The following RC3H1 variants were observed in gnomAD, a reference collection of about 807,000 sequenced individuals.
The protein encoded by RC3H1 is roquin-1.
RC3H1 carries 50 observed loss-of-function variants against 138.2 expected under a neutral mutation model. The observed-to-expected ratio is 0.36, with a 90% CI of 0.29 to 0.46. The LOEUF (loss-of-function observed/expected upper bound fraction) is 0.46. Among genes scored for constraint, RC3H1 ranks in the 20% least tolerant of loss-of-function variants. The probability of loss-of-function intolerance (pLI) is 1.00; values close to 1 mark genes in which losing one functional copy is unlikely to be tolerated. For missense variants in RC3H1, 1,031 were observed against 1,388.1 expected (o/e 0.74, Z 4.09); for synonymous variants, 462 against 489.1 (o/e 0.94, Z 0.73).
intron 19 of RC3H1, among the ~76,000 whole-genome samples, chr1:173,940,385 C>T (rs12064818): frequency 0.049 from 7,415 of 152,098 alleles, 603 homozygotes; most frequent in African/African-American, 0.16. Context: ...GCAGGAGAAT[C>T]GCTTGAACCC....
At chr1:173,988,402 C>CTTGA (rs1661121465) in intron 2 of RC3H1, among the ~76,000 whole-genome samples, 1 of 152,146 alleles carries the variant, frequency 6.6e-6, no homozygotes, top group South Asian at 2.1e-4. Flanking sequence ...CTTTTTGTGA[C>CTTGA]TTGACAGCTA....
At chr1:173,944,880 C>T (rs1325099589) in intron 17 of RC3H1, among the ~76,000 whole-genome samples, 2 of 152,142 alleles carry the variant, frequency 1.3e-5, no homozygotes, top group African/African-American at 4.8e-5. Context: ...AGAAAGTCTA[C>T]TAAGAAAGTC....
intron 19 of RC3H1, among the ~76,000 whole-genome samples, 154 bp downstream of exon 19, chr1:173,941,111 G>A (rs1257418592): frequency 2.6e-5 from 4 of 151,992 alleles, no homozygotes; most frequent in African/African-American, 4.8e-5. Flanking sequence ...GAGCCACTGC[G>A]CCCGGCCGCA....
intron 17 of RC3H1, 70 bp from the exon 18 acceptor site, chr1:173,943,685 A>G (rs1023009557): frequency 1.2e-5 from 17 of 1,448,476 alleles, no homozygotes; most frequent in African/African-American, 1.4e-5. Flanking sequence ...ACCAGGCTCA[A>G]TTCCAGACCA....
At chr1:173,952,252 G>A in intron 13 of RC3H1, 114 bp from the exon 14 acceptor site, 2 of 625,516 alleles carry the variant, frequency 3.2e-6, no homozygotes, top group Non-Finnish European at 2.4e-6. Context: ...AGAACATCGT[G>A]CTGAAGCAAC....
At chr1:174,014,172 G>A (rs889028680) in intron 1 of RC3H1, among the ~76,000 whole-genome samples, 5 of 152,154 alleles carry the variant, frequency 3.3e-5, no homozygotes, top group African/African-American at 1.2e-4. Flanking sequence ...AAAACCCATA[G>A]AACTGTCCAA....
intron 1 of RC3H1, chr1:174,015,823 T>C (rs1661852694): frequency 6.6e-6 from 1 of 152,098 alleles, no homozygotes. Flanking sequence ...GCCTATCCCA[T>C]ATTTTTCATG....
Position 173,994,580 on chromosome 1 carries a change from C to T in RC3H1, c.-150-1445G>A, listed in dbSNP as rs143086945. ...TTCAGAGGCTGAGATGGGAAGACTG[C>T]TTGAGCCCAGGAGTTTGAGACCAGC... is the stretch of plus-strand genomic sequence containing the variant. On this transcript the variant is annotated intron_variant, in intron 1 of 19. Coordinates refer to ENST00000367696, the MANE Select transcript of RC3H1 (RefSeq NM_172071.4). Among the ~76,000 whole-genome samples, 4 of 152,016 alleles carry T rather than the reference C, an allele frequency of 2.6e-5. 1 individual carries two copies. The highest frequency in any genetic ancestry group is 9.7e-5 in the African/African-American group (4 of 41,450).
chr1:173,952,402 T>TAA (rs35197109), intron 13 of RC3H1, among the ~76,000 whole-genome samples: 1,774 of 47,158 alleles, frequency 0.038, 183 homozygotes, highest in African/African-American at 0.13. Context: ...TAGCAGAAGG[T>TAA]AAAAAAAAAA....
chr1:173,947,599 A>C lies in RC3H1; in HGVS notation c.2524-17T>G, dbSNP rs1226134719. The C allele has an allele frequency of 3.1e-6, 5 of 1,598,074 alleles. No homozygotes were observed. Among genetic ancestry groups the C allele is most frequent in the Non-Finnish European group, 4.3e-6 (5 of 1,165,840 alleles). On this transcript the variant is annotated splice_polypyrimidine_tract_variant and intron_variant, in intron 14 of 19. Coordinates refer to ENST00000367696, the MANE Select transcript of RC3H1 (RefSeq NM_172071.4). ...CTCCACATTCTGATAAAAAAGCAAA[A>C]TGAGAAATTACCCCACACTCAGATC...
rs569875814 is a variant in RC3H1 at position 173,933,590 on chromosome 1, A to G, written c.*5131T>C. The G allele has an allele frequency of 1.3e-5, 2 of 152,316 alleles. No individual in the cohort carries two copies. Among genetic ancestry groups the G allele is most frequent in the South Asian group, 4.1e-4 (2 of 4,830 alleles). 9.4% of individuals were successfully genotyped at this position (152,316 alleles called of 1,614,324 possible). A position where few individuals can be genotyped will look rare whatever the true frequency, so the allele number is the denominator to read the frequency against. On this transcript the variant is annotated 3_prime_UTR_variant, in exon 20 of 20. Coordinates refer to ENST00000367696, the MANE Select transcript of RC3H1 (RefSeq NM_172071.4). ...CAGCTTTCTTCTTGAAGTGGCTCAG[A>G]AAAGCTAAATTGAGAAAATGTTTAA...
chr1:173,959,221 TATTATG>T (rs1379097811), intron 13 of RC3H1, among the ~76,000 whole-genome samples: 2 of 152,222 alleles, frequency 1.3e-5, no homozygotes, highest in East Asian at 3.9e-4. Flanking sequence ...CTACTAACAT[TATTATG>T]ATTAATAAAG....
chr1:174,018,875 A>C (rs1304101378), intron 1 of RC3H1, among the ~76,000 whole-genome samples: 1 of 152,210 alleles, frequency 6.6e-6, no homozygotes, highest in Non-Finnish European at 1.5e-5. Context: ...TTTTCAAGAT[A>C]TATGCAAGAG....
intron 1 of RC3H1, among the ~76,000 whole-genome samples, chr1:174,010,235 C>A (rs1057365600): frequency 1.3e-5 from 2 of 152,036 alleles, no homozygotes; most frequent in Non-Finnish European, 2.9e-5. Context: ...CCTCTTGTAT[C>A]TATAATTTCC....
intron 1 of RC3H1, among the ~76,000 whole-genome samples, chr1:174,021,126 G>A (rs77169234): frequency 7.4e-4 from 113 of 152,336 alleles, no homozygotes; most frequent in East Asian, 4.6e-3. Flanking sequence ...GGCCGGAGAT[G>A]AACCACCTGT....
intron 13 of RC3H1, among the ~76,000 whole-genome samples, chr1:173,955,113 C>G (rs1253790434): frequency 6.7e-6 from 1 of 149,910 alleles, no homozygotes; most frequent in African/African-American, 2.5e-5. Flanking sequence ...GTAATCCCAG[C>G]TACTCGGGAG....
At chr1:173,994,838 C>T (rs555506382) in intron 1 of RC3H1, among the ~76,000 whole-genome samples, 2 of 150,712 alleles carry the variant, frequency 1.3e-5, no homozygotes. Context: ...TTATTCCATT[C>T]CCAGGAAAAA....
rs1557936226 is a variant in RC3H1 at position 173,972,379 on chromosome 1, T to C, written c.1221+130A>G. 5 of 645,030 alleles carry C rather than the reference T, an allele frequency of 7.8e-6. No homozygotes were observed. In the Admixed American group the frequency reaches 1.2e-4, roughly 15 times the overall value. The allele number at this position is 645,030 out of a possible 1,614,324, so 40.0% of individuals were successfully genotyped here. On this transcript the variant is annotated intron_variant, in intron 8 of 19. Transcript: ENST00000367696. ...ATGCCAAGGTAATTTACAGTTTCTA[T>C]ACTCAGAGTCTCAAAATGTTCATGT...
intron 18 of RC3H1, 134 bp downstream of exon 18, chr1:173,943,308 G>T: frequency 1.3e-6 from 1 of 774,182 alleles, no homozygotes. Context: ...TAGCCCACCT[G>T]CATGAGAATT....
Sources: gnomAD v4.1 joint callset for allele counts (sites outside exome capture counted in the v4.1 genomes callset) on GRCh38, gnomAD v4.1.1 for gene constraint, MANE v1.5 for transcripts, NCBI Gene and HGNC (gene_info 2026-07-23, HGNC 2026-07-21) for gene names.